The following MBD5 variants were observed in gnomAD, a reference collection of about 807,000 sequenced individuals.
MBD5 encodes methyl-CpG-binding domain protein 5.
In MBD5, 13 loss-of-function variants were observed where a neutral mutation model predicts 117.3. That is an observed-to-expected ratio of 0.11 (90% CI 0.07 to 0.18). MBD5 has a LOEUF of 0.18. MBD5 is among the 10% of genes least tolerant of loss of function. The pLI, the probability that MBD5 is intolerant of heterozygous loss-of-function variation, is 1.00. For synonymous variants in MBD5, 727 were observed against 766.4 expected (o/e 0.95, Z 0.85); for missense variants, 1,879 against 2,093.8 (o/e 0.90, Z 2.00).
intron 4 of MBD5, among the ~76,000 whole-genome samples, chr2:148,398,546 G>A (rs938768486): frequency 3.1e-4 from 47 of 152,210 alleles, no homozygotes; most frequent in Admixed American, 1.4e-3. Flanking sequence ...TAGATTCTGG[G>A]TATTAGCCCT....
chr2:148,381,311 C>T (rs927086814), intron 4 of MBD5, among the ~76,000 whole-genome samples: 8 of 152,250 alleles, frequency 5.3e-5, no homozygotes, highest in South Asian at 2.1e-4. Context: ...ACGAGAACTA[C>T]GTGATGAATG....
chr2:148,136,207 C>T (rs1401223313), intron 1 of MBD5, among the ~76,000 whole-genome samples: 1 of 152,086 alleles, frequency 6.6e-6, no homozygotes, highest in Non-Finnish European at 1.5e-5. Context: ...CAGAAAACTA[C>T]AGAATCACGG....
At chr2:148,509,246 A>T (rs1307949291) in intron 12 of MBD5, among the ~76,000 whole-genome samples, 1 of 152,204 alleles carries the variant, frequency 6.6e-6, no homozygotes, top group Non-Finnish European at 1.5e-5. Context: ...GAGGAAAAAC[A>T]AGTTAACAGT....
Position 148,158,943 on chromosome 2 carries a change from C to T in MBD5, c.-924-19757C>T, listed in dbSNP as rs573654240. ...TTCATCGTGTTAGCCAGGATGGTCT[C>T]GATCTCCTGACCTTGTGATCTGCCC... On this transcript the variant is annotated intron_variant, in intron 1 of 13. Coordinates refer to ENST00000642680, the MANE Select transcript of MBD5 (RefSeq NM_001378120.1). Among the ~76,000 whole-genome samples, 32 of 152,304 alleles carry T rather than the reference C, an allele frequency of 2.1e-4. No individual in the cohort carries two copies. In the East Asian group the frequency reaches 4.6e-3, roughly 22 times the overall value.
At chr2:148,346,189 A>G (rs1170453029) in intron 4 of MBD5, 1 of 151,208 alleles carries the variant, frequency 6.6e-6, no homozygotes, top group Non-Finnish European at 1.5e-5. Context: ...CTCTATTTGA[A>G]AAGAAGAAGA....
rs568886235 is a variant in MBD5, at chr2:148,077,589, A to G, written c.-925+55905A>G. 5.3e-5 allele frequency among the ~76,000 whole-genome samples: 8 copies of G among 152,298 alleles called. No individual in the cohort carries two copies. In the South Asian group the frequency reaches 1.5e-3, roughly 28 times the overall value. On this transcript the variant is annotated intron_variant, in intron 1 of 13. Transcript: ENST00000642680. ...AGTAAGAGACTGTGGTTCAAAGTGT[A>G]TAGAATGTAAAAACAATATATAGTG...
chr2:148,289,196 T>A (rs1322234137), intron 3 of MBD5, among the ~76,000 whole-genome samples: 1 of 152,202 alleles, frequency 6.6e-6, no homozygotes, highest in East Asian at 1.9e-4. Context: ...TTTTCCAGAA[T>A]AAGAAAAATT....
intron 2 of MBD5, among the ~76,000 whole-genome samples, chr2:148,213,650 T>C (rs1404992983): frequency 6.6e-6 from 1 of 152,210 alleles, no homozygotes; most frequent in Non-Finnish European, 1.5e-5. Flanking sequence ...TGATTTTAAT[T>C]TCTAAACCAG....
At chr2:148,512,461 A>G (rs1220765510) in intron 13 of MBD5, among the ~76,000 whole-genome samples, 1 of 152,222 alleles carries the variant, frequency 6.6e-6, no homozygotes, top group East Asian at 1.9e-4. Flanking sequence ...AAAAAGGGGC[A>G]TGTTTGGTGT....
chr2:148,085,863 T>C (rs1279134334), intron 1 of MBD5, among the ~76,000 whole-genome samples: 2 of 152,160 alleles, frequency 1.3e-5, no homozygotes, highest in Non-Finnish European at 2.9e-5. Flanking sequence ...AATTGTGAAT[T>C]TGCAAAAAGA....
intron 3 of MBD5, among the ~76,000 whole-genome samples, chr2:148,326,683 T>G (rs1479921201): frequency 6.6e-6 from 1 of 151,934 alleles, no homozygotes; most frequent in African/African-American, 2.4e-5. Flanking sequence ...GTTTTCCATT[T>G]GCTTGGTAGA....
intron 4 of MBD5, among the ~76,000 whole-genome samples, chr2:148,430,512 A>C (rs1559068202): frequency 6.6e-6 from 1 of 152,102 alleles, no homozygotes; most frequent in Non-Finnish European, 1.5e-5. Flanking sequence ...ATTATAGTTT[A>C]GATCTTGTAT....
At chr2:148,349,927 G>A (rs1029951901) in intron 4 of MBD5, among the ~76,000 whole-genome samples, 3 of 151,994 alleles carry the variant, frequency 2.0e-5, no homozygotes, top group Admixed American at 6.6e-5. Context: ...TATAAACCCA[G>A]AACAGTAAAA....
chr2:148,139,121 A>G (rs1697244357), intron 1 of MBD5, among the ~76,000 whole-genome samples: 1 of 152,184 alleles, frequency 6.6e-6, no homozygotes, highest in Admixed American at 6.5e-5. Flanking sequence ...TTGATTATCT[A>G]TAATTTATAC....
At chr2:148,377,466 G>A (rs1259812763) in intron 4 of MBD5, among the ~76,000 whole-genome samples, 1 of 152,090 alleles carries the variant, frequency 6.6e-6, no homozygotes, top group Non-Finnish European at 1.5e-5. Flanking sequence ...ACCATCACAG[G>A]TAGTAAATTA....
intron 1 of MBD5, chr2:148,055,394 T>C (rs1694828176): frequency 6.6e-6 from 1 of 151,810 alleles, no homozygotes; most frequent in African/African-American, 2.4e-5. Flanking sequence ...AACAATCCCT[T>C]CACTGCTTAT....
At chr2:148,200,936 A>G (rs545994527) in intron 2 of MBD5, among the ~76,000 whole-genome samples, 19 of 152,290 alleles carry the variant, frequency 1.2e-4, no homozygotes, top group African/African-American at 4.1e-4. Context: ...TGGAAACATG[A>G]TCCATTTATT....
chr2:148,267,911 G>A (rs1258930292), intron 3 of MBD5, among the ~76,000 whole-genome samples: 1 of 147,382 alleles, frequency 6.8e-6, no homozygotes, highest in East Asian at 2.0e-4. Context: ...TATTGTGAAC[G>A]ATTTTTTTTC....
At chr2:148,059,988 A>T (rs1694982758) in intron 1 of MBD5, among the ~76,000 whole-genome samples, 1 of 151,614 alleles carries the variant, frequency 6.6e-6, no homozygotes, top group Admixed American at 6.6e-5. Context: ...GCCACCCCTT[A>T]AAAATGTCTC....
Sources: allele counts gnomAD v4.1 joint callset (sites outside exome capture counted in the v4.1 genomes callset), GRCh38; gene constraint gnomAD v4.1.1; transcripts MANE v1.5; gene names NCBI Gene and HGNC (gene_info 2026-07-23, HGNC 2026-07-21).